Variants in MYADM observed in about 807,000 individuals in gnomAD.
MYADM encodes the protein myeloid associated differentiation marker.
For missense variants in MYADM, 416 were observed against 443.4 expected, an observed-to-expected ratio of 0.94 and a Z score of 0.56; for synonymous variants, 224 against 210.2, an observed-to-expected ratio of 1.07 and a Z score of -0.57.
At chr19:53,871,803 G>T (rs892427561) in intron 2 of MYADM, among the ~76,000 whole-genome samples, 8 of 152,316 alleles carry the variant, frequency 5.3e-5, no homozygotes, top group African/African-American at 1.9e-4. Context: ...GGTTTTCAGA[G>T]CCTGTGGAAG....
At chr19:53,870,948 T>A (rs1404968553) in intron 2 of MYADM, among the ~76,000 whole-genome samples, 2 of 152,110 alleles carry the variant, frequency 1.3e-5, no homozygotes, top group Non-Finnish European at 2.9e-5. Flanking sequence ...AGGACGGTGA[T>A]GGCCAGGCGC....
At position 53,873,463 on chromosome 19, in the gene MYADM, G is replaced by A. The variant is rs2068434690; in HGVS notation, c.-2-65G>A. ...TTAATTTGTCCCTGGGGTAGGCAAT[G>A]GCTAAGGGACCTGGATTCTTATGTT... On this transcript the variant is annotated intron_variant, in intron 2 of 2. Transcript: ENST00000391770. The surrounding 1 kb of genome is among the most constrained non-coding windows in gnomAD (Gnocchi z 4.3). 2.0e-6 allele frequency: 3 copies of A among 1,511,940 alleles called. No individual in the cohort carries two copies. The highest frequency in any genetic ancestry group is 2.6e-5 in the South Asian group (2 of 75,866). The allele number at this position is 1,511,940 out of a possible 1,614,324, so 93.7% of individuals were successfully genotyped here.
rs2068506584 is a variant in MYADM, at chr19:53,875,232, T to TGTG, written c.*734_*735insGTG. The TGTG allele has an allele frequency of 3.2e-5, 3 of 94,218 alleles. No homozygotes were observed. Among genetic ancestry groups the TGTG allele is most frequent in the African/African-American group, 1.8e-4 (3 of 16,518 alleles). 5.8% of individuals were successfully genotyped at this position (94,218 alleles called of 1,614,324 possible). A position where few individuals can be genotyped will look rare whatever the true frequency, so the allele number is the denominator to read the frequency against. On this transcript the variant is annotated 3_prime_UTR_variant, in exon 3 of 3. Coordinates refer to ENST00000391770, the MANE Select transcript of MYADM (RefSeq NM_138373.5). Reference sequence around the variant, plus strand: ...TGTGTGTGTGTGTGTGTGTGTGTGTTTGGGGGGTGGGGGGTGGGTAGCTGG... The same window carrying TGTG: ...TGTGTGTGTGTGTGTGTGTGTGTGTTGTGTGGGGGGTGGGGGGTGGGTAGCTGG...
At chr19:53,869,134 T>A (rs2068305087) in intron 1 of MYADM, 1 of 152,250 alleles carries the variant, frequency 6.6e-6, no homozygotes. Flanking sequence ...GTGGGAGGCG[T>A]AGCTGGGCCT....
chr19:53,866,406 C>A (rs901416887), upstream of MYADM: 8 of 152,226 alleles, frequency 5.3e-5, no homozygotes, highest in Admixed American at 2.0e-4. The surrounding 1 kb of genome is among the most constrained non-coding windows in gnomAD (Gnocchi z 4.3). Context: ...CCCGGGACGA[C>A]TGCAGAGCGC....
rs1298883674 is a variant in MYADM at position 53,868,844 on chromosome 19, C to T, written c.-88+901C>T. ...TGGAGGCCCTAAGGGCGGGGTGGAC[C>T]CCTCCCCTCCCCTCCCCTCGGCGCG... On this transcript the variant is annotated intron_variant, in intron 1 of 2. Transcript: ENST00000391770. The surrounding 1 kb of genome is among the most constrained non-coding windows in gnomAD (Gnocchi z 6.3). 6.6e-6 allele frequency: 1 copy of T among 152,024 alleles called. No homozygotes were observed. Among genetic ancestry groups the T allele is most frequent in the South Asian group, 2.1e-4 (1 of 4,812 alleles). The allele number at this position is 152,024 out of a possible 1,614,324, so 9.4% of individuals were successfully genotyped here.
rs564194344 is a variant in MYADM, at chr19:53,870,112, G to A, written c.-3+274G>A. On this transcript the variant is annotated intron_variant, in intron 2 of 2. Transcript: ENST00000391770. Reference sequence around the variant, plus strand: ...GGACTCCTGGGTCCGAGGAAGGAGGGGCTGGGGTCTGGACTCCTGGGTCCG... The same window carrying A: ...GGACTCCTGGGTCCGAGGAAGGAGGAGCTGGGGTCTGGACTCCTGGGTCCG... 1.0e-3 allele frequency among the ~76,000 whole-genome samples: 100 copies of A among 97,858 alleles called. 2 individuals carry two copies. The highest frequency in any genetic ancestry group is 5.3e-3 in the African/African-American group (86 of 16,248). The allele number at this position is 97,858 out of a possible 152,430, so 64.2% of individuals were successfully genotyped here. A position where few individuals can be genotyped will look rare whatever the true frequency, so the allele number is the denominator to read the frequency against.
chr19:53,874,527 TCC>T lies in MYADM; in HGVS notation c.*30_*31del. ...TCTCCCAAGAGGCTCCCGTTCCCTC[TCC>T]AACCTCTTTGTTCTTCTTGCCCGAG... On this transcript the variant is annotated 3_prime_UTR_variant, in exon 3 of 3. Transcript: ENST00000391770. 1 of 1,542,950 alleles carries T rather than the reference TCC, an allele frequency of 6.5e-7. No homozygotes were observed. The highest frequency in any genetic ancestry group is 8.7e-7 in the Non-Finnish European group (1 of 1,145,992).
chr19:53,873,689 G>C lies in MYADM; in HGVS notation c.160G>C (p.Val54Leu), dbSNP rs751130040. Residue 54 changes from valine (V) to leucine (L), a missense_variant, in exon 3 of 3, where the codon GTG becomes CTG. Val to Leu is a conservative substitution (Grantham distance 32, BLOSUM62 1). Coordinates refer to ENST00000391770, the MANE Select transcript of MYADM (RefSeq NM_138373.5). The surrounding 1 kb of genome is among the most constrained non-coding windows in gnomAD (Gnocchi z 4.3). ...LVSTCVAFSL[V>L]ASVGAWTGSM... ...GTCTACCTGCGTGGCCTTCTCGCTG[G>C]TGGCTAGCGTGGGCGCCTGGACGGG... 2 of 1,614,112 alleles carry C rather than the reference G, an allele frequency of 1.2e-6. No individual in the cohort carries two copies. The highest frequency in any genetic ancestry group is 1.7e-6 in the Non-Finnish European group (2 of 1,180,038).
At position 53,867,901 on chromosome 19, in the gene MYADM, C is replaced by A. The variant is rs1051493091; in HGVS notation, c.-130C>A. On this transcript the variant is annotated 5_prime_UTR_variant, in exon 1 of 3. In the 5' UTR this introduces an upstream ATG that the reference lacks. Coordinates refer to ENST00000391770, the MANE Select transcript of MYADM (RefSeq NM_138373.5). ...AGCCCTCAGACCCTTCCAGCTGCCG[C>A]TGTCGTCTTTGCTTCAGCCGCAGTC... The A allele has an allele frequency of 1.3e-5, 2 of 152,364 alleles. No individual in the cohort carries two copies. The highest frequency in any genetic ancestry group is 4.8e-5 in the African/African-American group (2 of 41,448). 9.4% of individuals were successfully genotyped at this position (152,364 alleles called of 1,614,324 possible). A position where few individuals can be genotyped will look rare whatever the true frequency, so the allele number is the denominator to read the frequency against.
At position 53,874,000 on chromosome 19, in the gene MYADM, G is replaced by A. The variant is rs2068458131; in HGVS notation, c.471G>A (p.Trp157Ter). 1 of 1,608,674 alleles carries A rather than the reference G, an allele frequency of 6.2e-7. No individual in the cohort carries two copies. Among genetic ancestry groups the A allele is most frequent in the African/African-American group, 1.3e-5 (1 of 74,946 alleles). Residue 157 changes from tryptophan to a stop codon, truncating the protein, a stop_gained, in exon 3 of 3, where the codon TGG (tryptophan) becomes TGA (stop). Transcript: ENST00000391770. LOFTEE classifies it low-confidence loss of function (END_TRUNC). The surrounding 1 kb of genome is among the most constrained non-coding windows in gnomAD (Gnocchi z 4.3). The stretch of plus-strand genomic sequence containing the variant: ...TGGCTTACGCCACCGAAGTGGCCTG[G>A]ACCCGGGCCCGGCCCGGCGAGATCA... ...ACVAYATEVA[W>*]TRARPGEITG...
intron 1 of MYADM, 57 bp downstream of exon 1, chr19:53,868,000 G>C (rs1025606977): frequency 2.0e-5 from 3 of 152,770 alleles, no homozygotes; most frequent in African/African-American, 7.2e-5. Context: ...TTTATGGCCA[G>C]AGAGAGGAAT....
chr19:53,874,295 G>A lies in MYADM; in HGVS notation c.766G>A (p.Val256Ile). Residue 256 changes from valine (V) to isoleucine (I), a missense_variant, in exon 3 of 3, where the codon GTT (valine) becomes ATT (isoleucine). Physicochemically the swap from Val to Ile is conservative, Grantham distance 29 (BLOSUM62 3). Coordinates refer to ENST00000391770, the MANE Select transcript of MYADM (RefSeq NM_138373.5). ...LSVLLYATAL[V>I]LWPLYQFDEK... is the part of the protein sequence containing the mutation. The stretch of plus-strand genomic sequence containing the variant: ...TGTCCTCCTCTATGCCACCGCCCTT[G>A]TTCTCTGGCCCCTCTACCAGTTCGA... 2 of 1,610,548 alleles carry A rather than the reference G, an allele frequency of 1.2e-6. No homozygotes were observed. The highest frequency in any genetic ancestry group is 1.7e-5 in the Admixed American group (1 of 59,874).
chr19:53,874,512 G>A lies in MYADM; in HGVS notation c.*14G>A, dbSNP rs539239850. ...GTCAAGGTCTAAGACTCTCCCAAGA[G>A]GCTCCCGTTCCCTCTCCAACCTCTT... On this transcript the variant is annotated 3_prime_UTR_variant, in exon 3 of 3. Transcript: ENST00000391770. 6.4e-7 allele frequency: 1 copy of A among 1,571,832 alleles called. No homozygotes were observed. The highest frequency in any genetic ancestry group is 1.2e-5 in the South Asian group (1 of 86,352).
rs1339671305 is a variant in MYADM, at chr19:53,874,102, C to G, written c.573C>G (p.Ile191Met). The stretch of plus-strand genomic sequence containing the variant: ...TTGCCTGCATCATCTTCGCGTTCAT[C>G]AGCGACCCCAACCTGTACCAGCACC... ...TFVACIIFAFISDPNLYQHQP... is the reference protein window; with the variant it reads ...TFVACIIFAFMSDPNLYQHQP... The change falls in exon 3 of 3, where the codon ATC (isoleucine) becomes ATG (methionine). Residue 191 changes from isoleucine to methionine, a missense_variant. Ile to Met is a conservative substitution (Grantham distance 10). Transcript: ENST00000391770. 13 of 1,612,536 alleles carry G rather than the reference C, an allele frequency of 8.1e-6. No homozygotes were observed. The highest frequency in any genetic ancestry group is 1.1e-5 in the Non-Finnish European group (13 of 1,180,046).
In MYADM at chr19:53,874,171, C is replaced by T. The variant is rs758799496; in HGVS notation, c.642C>T (p.Phe214=). Residue 214 remains phenylalanine (F), a synonymous_variant, in exon 3 of 3, where the codon TTC becomes TTT. Coordinates refer to ENST00000391770, the MANE Select transcript of MYADM (RefSeq NM_138373.5). The part of the protein sequence containing the change: ...EWCVAVYAIC[F]ILAAIAILLN... ...GCGTGGCGGTGTACGCCATCTGCTTCATCCTAGCGGCCATCGCCATCCTGC... is the reference window on the plus strand; with the variant it reads ...GCGTGGCGGTGTACGCCATCTGCTTTATCCTAGCGGCCATCGCCATCCTGC... 1 of 1,613,982 alleles carries T rather than the reference C, an allele frequency of 6.2e-7. No individual in the cohort carries two copies. Among genetic ancestry groups the T allele is most frequent in the Non-Finnish European group, 8.5e-7 (1 of 1,180,016 alleles).
chr19:53,867,660 A>G (rs1348335961), upstream of MYADM, among the ~76,000 whole-genome samples: 5 of 152,076 alleles, frequency 3.3e-5, no homozygotes, highest in Non-Finnish European at 7.4e-5. Flanking sequence ...GGCAACCGTG[A>G]CCTCAGCCCT....
chr19:53,867,649 C>CA (rs1405140378), upstream of MYADM, among the ~76,000 whole-genome samples: 4 of 152,224 alleles, frequency 2.6e-5, no homozygotes, highest in African/African-American at 9.6e-5. Flanking sequence ...TTTGTCACCA[C>CA]GGCAACCGTG....
rs895389338 is a variant in MYADM at position 53,873,698 on chromosome 19, G to A, written c.169G>A (p.Val57Met). Reference sequence around the variant, plus strand: ...CGTGGCCTTCTCGCTGGTGGCTAGCGTGGGCGCCTGGACGGGGTCCATGGG... The same window carrying A: ...CGTGGCCTTCTCGCTGGTGGCTAGCATGGGCGCCTGGACGGGGTCCATGGG... ...TCVAFSLVAS[V>M]GAWTGSMGNW... The change falls in exon 3 of 3, where the codon GTG (valine) becomes ATG (methionine). Residue 57 changes from valine (V) to methionine (M), a missense_variant. By Grantham distance (21) the Val-to-Met change is conservative. Transcript: ENST00000391770. This position sits in a 1 kb window ranked among gnomAD's most constrained non-coding sequence, Gnocchi z 4.3. The A allele has an allele frequency of 5.6e-6, 9 of 1,613,900 alleles. No homozygotes were observed. The highest frequency in any genetic ancestry group is 3.3e-5 in the South Asian group (3 of 91,088).
Sources: gnomAD v4.1 joint callset for allele counts (sites outside exome capture counted in the v4.1 genomes callset) on GRCh38, gnomAD v4.1.1 for gene constraint, Gnocchi (gnomAD v3.1) non-coding constraint, MANE v1.5 for transcripts, NCBI Gene and HGNC (gene_info 2026-07-23, HGNC 2026-07-21) for gene names.